HDAC9: variants seen among roughly 807,000 people sequenced by gnomAD.
HDAC9 encodes histone deacetylase 9.
A neutral mutation model predicts 139.4 loss-of-function variants in HDAC9; 41 were observed. That is an observed-to-expected ratio of 0.29 (90% confidence interval 0.23 to 0.38). The LOEUF (loss-of-function observed/expected upper bound fraction) is 0.38. HDAC9 is among the 10% of genes least tolerant of loss of function. The pLI is 1.00. For missense variants in HDAC9, 1,147 were observed against 1,297.0 expected, an observed-to-expected ratio of 0.88 and a Z score of 1.78; for synonymous variants, 517 against 476.2, an observed-to-expected ratio of 1.09 and a Z score of -1.12.
chr7:18,806,323 C>G (rs985245938), intron 17 of HDAC9, among the ~76,000 whole-genome samples: 10 of 152,202 alleles, frequency 6.6e-5, no homozygotes, highest in African/African-American at 2.2e-4. Flanking sequence ...TGGGCCAAAT[C>G]AAGATGTCAG....
chr7:18,287,025 G>T (rs2128222687), upstream of HDAC9, among the ~76,000 whole-genome samples: 1 of 152,234 alleles, frequency 6.6e-6, no homozygotes, highest in East Asian at 1.9e-4. Flanking sequence ...CTGATTTGCA[G>T]ACAGTTTAAT....
chr7:18,906,269 C>T (rs1343086853), intron 22 of HDAC9, among the ~76,000 whole-genome samples: 1 of 151,908 alleles, frequency 6.6e-6, no homozygotes, highest in African/African-American at 2.4e-5. Flanking sequence ...CTTAGCCTCC[C>T]AAGTAGCTGG....
chr7:18,206,469 T>A (rs1442682815), intron 2 of HDAC9, among the ~76,000 whole-genome samples: 1 of 152,148 alleles, frequency 6.6e-6, no homozygotes, highest in Non-Finnish European at 1.5e-5. Flanking sequence ...TAAATCCCAA[T>A]GGAGGCTTGT....
intron 17 of HDAC9, among the ~76,000 whole-genome samples, chr7:18,811,149 C>G (rs73065872): frequency 1.9e-3 from 284 of 151,822 alleles, no homozygotes; most frequent in Non-Finnish European, 3.0e-3. Flanking sequence ...TTTTATTTGC[C>G]TTATCAGTCT....
chr7:18,624,825 A>G (rs1490910018), intron 6 of HDAC9, among the ~76,000 whole-genome samples: 3 of 151,898 alleles, frequency 2.0e-5, no homozygotes, highest in Non-Finnish European at 4.4e-5. Flanking sequence ...CATTGCCAGG[A>G]CTAAATGATA....
intron 18 of HDAC9, 28 bp downstream of exon 18, chr7:18,829,244 C>T: frequency 6.4e-7 from 1 of 1,573,088 alleles, no homozygotes; most frequent in African/African-American, 1.3e-5. Flanking sequence ...TTGCCCATCT[C>T]CAAGCACCAC....
At chr7:18,593,790 A>G (rs1831661333) in intron 5 of HDAC9, 118 bp from the exon 6 acceptor site, 5 of 1,038,306 alleles carry the variant, frequency 4.8e-6, no homozygotes, top group Non-Finnish European at 5.8e-6. Context: ...TGTATACACT[A>G]AGGAGAAAGA....
At chr7:18,322,739 G>C (rs1800123521) in intron 1 of HDAC9, among the ~76,000 whole-genome samples, 1 of 152,142 alleles carries the variant, frequency 6.6e-6, no homozygotes, top group Non-Finnish European at 1.5e-5. Context: ...CGACATTCGA[G>C]AACAGGATTG....
chr7:18,503,460 A>T (rs944643555), intron 2 of HDAC9, among the ~76,000 whole-genome samples: 3 of 152,264 alleles, frequency 2.0e-5, no homozygotes, highest in Admixed American at 6.5e-5. Context: ...CGTTATGTTT[A>T]GGTTTACTCT....
chr7:18,504,423 G>A (rs1799199126), intron 2 of HDAC9, among the ~76,000 whole-genome samples: 1 of 152,126 alleles, frequency 6.6e-6, no homozygotes, highest in African/African-American at 2.4e-5. Flanking sequence ...TCCTGCCTCA[G>A]CCTCCCAAGT....
At chr7:18,607,295 C>G (rs1261023581) in intron 6 of HDAC9, among the ~76,000 whole-genome samples, 1 of 152,176 alleles carries the variant, frequency 6.6e-6, no homozygotes, top group African/African-American at 2.4e-5. Flanking sequence ...TGCAGAAAAG[C>G]TAAGGTAGCC....
At chr7:18,387,938 G>A (rs1338425051) in intron 1 of HDAC9, among the ~76,000 whole-genome samples, 1 of 138,166 alleles carries the variant, frequency 7.2e-6, no homozygotes, top group African/African-American at 2.8e-5. Flanking sequence ...AATAATCTGT[G>A]GAGAGAAAAA....
chr7:18,562,063 T>C (rs529105263), intron 2 of HDAC9, among the ~76,000 whole-genome samples: 2 of 152,330 alleles, frequency 1.3e-5, no homozygotes, highest in East Asian at 1.9e-4. Context: ...TCAGTTTTGA[T>C]TTGCATTGCC....
At chr7:18,497,337 C>T (rs1797204957) in intron 2 of HDAC9, among the ~76,000 whole-genome samples, 1 of 152,094 alleles carries the variant, frequency 6.6e-6, no homozygotes, top group Non-Finnish European at 1.5e-5. Context: ...GCAGTGTTTA[C>T]TTTGTAGAGC....
chr7:18,434,096 C>G (rs1467292158), intron 1 of HDAC9, among the ~76,000 whole-genome samples: 1 of 152,060 alleles, frequency 6.6e-6, no homozygotes, highest in Non-Finnish European at 1.5e-5. Flanking sequence ...AATAGAGAAC[C>G]CAGAAATAAA....
At chr7:18,886,517 A>G (rs935205056) in intron 22 of HDAC9, among the ~76,000 whole-genome samples, 5 of 152,202 alleles carry the variant, frequency 3.3e-5, no homozygotes, top group African/African-American at 1.2e-4. Context: ...ATGGTGTTTC[A>G]TCATGAGATT....
chr7:18,645,245 T>C (rs1023859024), intron 9 of HDAC9, among the ~76,000 whole-genome samples: 1 of 152,126 alleles, frequency 6.6e-6, no homozygotes, highest in Non-Finnish European at 1.5e-5. Flanking sequence ...CAGCAGCATA[T>C]GTTTATAGAA....
At chr7:18,089,724 G>C (rs1179879284) in intron 1 of HDAC9, among the ~76,000 whole-genome samples, 1 of 152,090 alleles carries the variant, frequency 6.6e-6, no homozygotes, top group East Asian at 1.9e-4. Flanking sequence ...TACACACTCA[G>C]TGGGGAAGGT....
intron 12 of HDAC9, among the ~76,000 whole-genome samples, chr7:18,670,590 C>T (rs1795610614): frequency 6.6e-6 from 1 of 152,058 alleles, no homozygotes; most frequent in Non-Finnish European, 1.5e-5. Context: ...TATCATCCCA[C>T]TGTAGAGATG....
Sources: gnomAD v4.1 joint callset for allele counts (sites outside exome capture counted in the v4.1 genomes callset) on GRCh38, gnomAD v4.1.1 for gene constraint, MANE v1.5 for transcripts, NCBI Gene and HGNC (gene_info 2026-07-23, HGNC 2026-07-21) for gene names.